RBFOX1: variants seen among roughly 807,000 people sequenced by gnomAD.
RBFOX1 encodes the protein RNA binding protein fox-1 homolog 1.
In RBFOX1, 8 loss-of-function variants were observed where a neutral mutation model predicts 57.7. That is an observed-to-expected ratio of 0.14 (90% CI 0.08 to 0.25). RBFOX1 has a LOEUF of 0.25. Among genes scored for constraint, RBFOX1 ranks in the 10% least tolerant of loss-of-function variants. The pLI is 1.00. For missense variants in RBFOX1, 611 were observed against 548.5 expected (o/e 1.11, Z -1.14); for synonymous variants, 326 against 222.4 (o/e 1.47, Z -4.15).
intron 1 of RBFOX1, among the ~76,000 whole-genome samples, chr16:5,393,673 T>A (rs934917426): frequency 6.6e-6 from 1 of 152,224 alleles, no homozygotes; most frequent in South Asian, 2.1e-4. Flanking sequence ...GGAGGTGTTC[T>A]GTGTTTTTGT....
Position 6,019,454 on chromosome 16 carries a change from C to T in RBFOX1, c.-665C>T, listed in dbSNP as rs955253179. 11 of 991,898 alleles carry T rather than the reference C, an allele frequency of 1.1e-5. No individual in the cohort carries two copies. The highest frequency in any genetic ancestry group is 1.3e-5 in the Non-Finnish European group (11 of 834,550). The allele number at this position is 991,898 out of a possible 1,614,324, so 61.4% of individuals were successfully genotyped here. ...AGGGGCCGCGTCGGGTGGGGAAACC[C>T]GAACTCGCGGAGGGGAATCCCTCCC... is the stretch of plus-strand genomic sequence containing the variant. On this transcript the variant is annotated 5_prime_UTR_variant, in exon 1 of 16. Coordinates refer to ENST00000550418, the MANE Select transcript of RBFOX1 (RefSeq NM_018723.4). The surrounding 1 kb of genome is among the most constrained non-coding windows in gnomAD (Gnocchi z 4.2).
At chr16:7,446,795 G>GTTT (rs1567209049) in intron 4 of RBFOX1, among the ~76,000 whole-genome samples, 98 of 128,126 alleles carry the variant, frequency 7.6e-4, no homozygotes, top group African/African-American at 2.7e-3. Flanking sequence ...GGTAGGTCTA[G>GTTT]GTATTTTTTT....
At chr16:7,087,823 C>A (rs992872592) in intron 4 of RBFOX1, among the ~76,000 whole-genome samples, 1 of 152,052 alleles carries the variant, frequency 6.6e-6, no homozygotes, top group Non-Finnish European at 1.5e-5. Flanking sequence ...GCTGACAGAG[C>A]CCTTGATTTC....
intron 1 of RBFOX1, among the ~76,000 whole-genome samples, chr16:6,076,074 T>G (rs1304367191): frequency 2.0e-5 from 3 of 152,102 alleles, no homozygotes; most frequent in Admixed American, 6.6e-5. Context: ...TGAGGAGGGC[T>G]AATCACCTGA....
chr16:5,651,612 C>A (rs559225070), intron 3 of RBFOX1, among the ~76,000 whole-genome samples: 3 of 152,238 alleles, frequency 2.0e-5, no homozygotes, highest in African/African-American at 7.2e-5. Context: ...CCTTGTCAGT[C>A]ACCACCTTTC....
chr16:6,460,013 A>C (rs2094877986), intron 2 of RBFOX1, among the ~76,000 whole-genome samples: 1 of 118,860 alleles, frequency 8.4e-6, no homozygotes, highest in African/African-American at 3.4e-5. Context: ...AAAAAAAAAA[A>C]AAAAAAAAAA....
intron 3 of RBFOX1, among the ~76,000 whole-genome samples, chr16:6,801,027 C>A (rs553979825): frequency 7.9e-5 from 12 of 151,958 alleles, no homozygotes; most frequent in Admixed American, 5.2e-4. Context: ...TCATTTAATT[C>A]AATGATACTT....
intron 2 of RBFOX1, among the ~76,000 whole-genome samples, chr16:5,475,144 T>C (rs1229965791): frequency 6.6e-6 from 1 of 152,246 alleles, no homozygotes; most frequent in African/African-American, 2.4e-5. Context: ...TAGAGGAATT[T>C]AGTGCAAATA....
intron 4 of RBFOX1, among the ~76,000 whole-genome samples, chr16:7,140,090 G>A (rs1884688912): frequency 2.0e-5 from 3 of 148,078 alleles, no homozygotes; most frequent in Admixed American, 6.8e-5. Flanking sequence ...AGGTATTTAT[G>A]GACTGTTCTC....
intron 4 of RBFOX1, among the ~76,000 whole-genome samples, chr16:7,145,421 G>C (rs139777937): frequency 1.1e-4 from 16 of 152,224 alleles, no homozygotes; most frequent in Non-Finnish European, 2.1e-4. Flanking sequence ...TGGCCAGTCT[G>C]GTCTTGAACT....
At chr16:6,005,384 C>T (rs1247793107) in intron 4 of RBFOX1, among the ~76,000 whole-genome samples, 1 of 152,198 alleles carries the variant, frequency 6.6e-6, no homozygotes, top group Non-Finnish European at 1.5e-5. Flanking sequence ...TGCTATGGGC[C>T]AGGCACCTGC....
At chr16:6,144,159 C>T in intron 1 of RBFOX1, among the ~76,000 whole-genome samples, 1 of 152,062 alleles carries the variant, frequency 6.6e-6, no homozygotes, top group East Asian at 1.9e-4. Flanking sequence ...CATGGATCAA[C>T]AAATTAGACT....
At chr16:5,687,907 C>G (rs769819200) in intron 3 of RBFOX1, among the ~76,000 whole-genome samples, 2 of 152,216 alleles carry the variant, frequency 1.3e-5, no homozygotes, top group African/African-American at 4.8e-5. Flanking sequence ...AGACTCTGCT[C>G]TACACCTTTA....
intron 4 of RBFOX1, among the ~76,000 whole-genome samples, chr16:7,165,933 T>TAC (rs889669390): frequency 0.032 from 4,574 of 143,048 alleles, 152 homozygotes; most frequent in African/African-American, 0.094. Flanking sequence ...CGCATGCACA[T>TAC]ACACACACAC....
rs371440501 is a variant in RBFOX1 at position 5,883,290 on chromosome 16, T to A, written c.351+15955T>A. Among the ~76,000 whole-genome samples the A allele has an allele frequency of 1.7e-4, 26 of 152,310 alleles. No individual in the cohort carries two copies. The East Asian group carries it at 2.7e-3, about 16-fold the overall frequency. On this transcript the variant is annotated intron_variant, in intron 4 of 19. Transcript: ENST00000641259. ...ATTTCAGATATATTTTAAAAATATA[T>A]GTGTGTTAAAATCAGAAAAATCTCT...
At chr16:5,419,346 G>A (rs1259954090) in intron 1 of RBFOX1, among the ~76,000 whole-genome samples, 2 of 152,140 alleles carry the variant, frequency 1.3e-5, no homozygotes, top group Non-Finnish European at 2.9e-5. Flanking sequence ...TCAAGGGCAG[G>A]AAGCATCCAG....
intron 2 of RBFOX1, among the ~76,000 whole-genome samples, chr16:6,646,454 C>T (rs12925281): frequency 1.3e-5 from 2 of 152,018 alleles, no homozygotes; most frequent in East Asian, 1.9e-4. Flanking sequence ...TCTGCCAGAT[C>T]GCTCTTTTCT....
chr16:6,898,345 A>G (rs1359529185), intron 3 of RBFOX1, among the ~76,000 whole-genome samples: 1 of 152,218 alleles, frequency 6.6e-6, no homozygotes, highest in East Asian at 1.9e-4. Context: ...GGGGGTGAGG[A>G]GAGCAGTCAG....
chr16:7,426,373 G>A (rs1042052616), intron 4 of RBFOX1, among the ~76,000 whole-genome samples: 1 of 152,112 alleles, frequency 6.6e-6, no homozygotes, highest in Admixed American at 6.6e-5. Flanking sequence ...CAGCTCTGGG[G>A]GCACCATGGG....
Sources: gnomAD v4.1 joint callset for allele counts (sites outside exome capture counted in the v4.1 genomes callset) on GRCh38, gnomAD v4.1.1 for gene constraint, Gnocchi (gnomAD v3.1) non-coding constraint, MANE v1.5 for transcripts, NCBI Gene and HGNC (gene_info 2026-07-23, HGNC 2026-07-21) for gene names.